The following NEK1 variants were observed in gnomAD, a reference collection of about 807,000 sequenced individuals.
The protein encoded by NEK1 is NIMA related kinase 1.
Under a neutral mutation model 182.1 loss-of-function variants are expected in NEK1, and 137 were observed. The observed-to-expected ratio is 0.75, with a 90% CI of 0.65 to 0.87. The LOEUF is 0.87. Among genes scored for constraint, NEK1 ranks in the 40% least tolerant of loss-of-function variants. The pLI is 0.00. For missense variants in NEK1, 1,391 were observed against 1,494.4 expected (o/e 0.93, Z 1.14); for synonymous variants, 513 against 492.2 (o/e 1.04, Z -0.56).
intron 9 of NEK1, 100 bp downstream of exon 9, chr4:169,587,459 A>T: frequency 1.5e-6 from 1 of 667,492 alleles, no homozygotes; most frequent in Non-Finnish European, 2.4e-6. Flanking sequence ...AATTTCTAGG[A>T]TGAGGGTTAC....
intron 35 of NEK1, among the ~76,000 whole-genome samples, chr4:169,396,511 A>T (rs1730752152): frequency 6.6e-6 from 1 of 151,610 alleles, no homozygotes; most frequent in Non-Finnish European, 1.5e-5. Flanking sequence ...GGAAGAATTT[A>T]TTAGGAATAC....
rs1371101243 is a variant in NEK1, at chr4:169,585,404, G to C, written c.752C>G (p.Ser251Cys). ...GGCTATAAAACCTTTCTCCAATATG[G>C]AGTTGACTGATGGTCTATCCCTAGG... The part of the protein sequence containing the change: ...RNPRDRPSVN[S>C]ILEKGFIAKR... The change falls in exon 10 of 36, where the codon TCC becomes TGC. Residue 251 changes from serine (S) to cysteine (C), a missense_variant. By Grantham distance (112) the Ser-to-Cys change is moderately radical. Coordinates refer to ENST00000507142, the MANE Select transcript of NEK1 (RefSeq NM_001199397.3). The C allele has an allele frequency of 6.2e-7, 1 of 1,613,568 alleles. No homozygotes were observed. Among genetic ancestry groups the C allele is most frequent in the African/African-American group, 1.3e-5 (1 of 74,884 alleles).
At chr4:169,610,771 TCA>T (rs1480085995) in intron 2 of NEK1, among the ~76,000 whole-genome samples, 1 of 152,236 alleles carries the variant, frequency 6.6e-6, no homozygotes, top group East Asian at 1.9e-4. Flanking sequence ...ATCAGGTGTT[TCA>T]GATATTCTAT....
intron 19 of NEK1, among the ~76,000 whole-genome samples, chr4:169,521,097 TC>T (rs764568934): frequency 0.054 from 4,322 of 80,508 alleles, 87 homozygotes; most frequent in Non-Finnish European, 0.082. Flanking sequence ...CGGGCGCCCC[TC>T]CCCCAGCCTC....
chr4:169,455,770 C>T (rs1201570599), intron 27 of NEK1, among the ~76,000 whole-genome samples: 2 of 151,946 alleles, frequency 1.3e-5, no homozygotes, highest in Non-Finnish European at 1.5e-5. Context: ...GTAGCACTGC[C>T]TAGGGGTCAT....
chr4:169,436,141 C>T (rs1044218200), intron 28 of NEK1, among the ~76,000 whole-genome samples: 2 of 152,132 alleles, frequency 1.3e-5, no homozygotes, highest in South Asian at 2.1e-4. Context: ...TGGGCTCAAG[C>T]GATATGCCAG....
chr4:169,402,699 A>T (rs995958462), intron 32 of NEK1, among the ~76,000 whole-genome samples: 1 of 152,220 alleles, frequency 6.6e-6, no homozygotes, highest in Non-Finnish European at 1.5e-5. Context: ...CACTTTAGAG[A>T]CATGAAAACT....
chr4:169,522,496 A>C (rs1756238754), intron 19 of NEK1, among the ~76,000 whole-genome samples: 1 of 152,236 alleles, frequency 6.6e-6, no homozygotes, highest in South Asian at 2.1e-4. Context: ...AGCCTGTCAA[A>C]GTTTAGCAAT....
chr4:169,407,093 T>C (rs1732777600), intron 31 of NEK1, among the ~76,000 whole-genome samples: 2 of 152,168 alleles, frequency 1.3e-5, no homozygotes, highest in Non-Finnish European at 2.9e-5. Flanking sequence ...TATTTAGGTA[T>C]AAACATGGAA....
intron 23 of NEK1, among the ~76,000 whole-genome samples, chr4:169,498,830 C>T (rs1164357210): frequency 6.6e-6 from 1 of 152,122 alleles, no homozygotes; most frequent in African/African-American, 2.4e-5. Flanking sequence ...CTCTGGCTGC[C>T]CTTAACATTT....
intron 12 of NEK1, among the ~76,000 whole-genome samples, chr4:169,575,672 C>A (rs1765573775): frequency 6.6e-6 from 1 of 152,218 alleles, no homozygotes; most frequent in Non-Finnish European, 1.5e-5. Context: ...ATTCTACTGA[C>A]ACTCCAGGCA....
chr4:169,571,062 G>A (rs1036491390), intron 12 of NEK1, among the ~76,000 whole-genome samples: 2 of 151,818 alleles, frequency 1.3e-5, no homozygotes, highest in African/African-American at 4.8e-5. Flanking sequence ...AGGGTCCTCT[G>A]CCTAGGAAAA....
At chr4:169,436,907 A>T (rs1394510766) in intron 28 of NEK1, among the ~76,000 whole-genome samples, 1 of 152,246 alleles carries the variant, frequency 6.6e-6, no homozygotes, top group Non-Finnish European at 1.5e-5. Context: ...TGTCTCAGAA[A>T]CATGAGTGGC....
At chr4:169,522,027 A>G (rs6815251) in intron 19 of NEK1, among the ~76,000 whole-genome samples, 2 of 152,120 alleles carry the variant, frequency 1.3e-5, no homozygotes, top group African/African-American at 4.8e-5. Context: ...AAATTTTTGT[A>G]TTGTCCTATA....
chr4:169,452,243 A>G (rs922896536), intron 27 of NEK1, among the ~76,000 whole-genome samples: 1 of 152,196 alleles, frequency 6.6e-6, no homozygotes, highest in Non-Finnish European at 1.5e-5. Flanking sequence ...AGAGGTACAA[A>G]GAGGAGCTGG....
intron 19 of NEK1, among the ~76,000 whole-genome samples, chr4:169,509,569 A>C (rs1580342652): frequency 6.6e-6 from 1 of 152,006 alleles, no homozygotes. Context: ...AGCTCACTAC[A>C]ATCTAGTTTC....
At position 169,463,268 on chromosome 4, in the gene NEK1, T is replaced by G. The variant is rs773387212; in HGVS notation, c.2562A>C (p.Leu854=). The G allele has an allele frequency of 4.4e-6, 7 of 1,580,358 alleles. No individual in the cohort carries two copies. The Admixed American group carries it at 1.1e-4, about 24-fold the overall frequency. ...GEAELQLQTE[L]LENTTIRSEI... is the part of the protein sequence containing the mutation. ...CACTTCTAATAGTTGTATTTTCTAATAGTTCTGTCTGAAGTTGTAGTTCAG... is the reference window on the plus strand; with the variant it reads ...CACTTCTAATAGTTGTATTTTCTAAGAGTTCTGTCTGAAGTTGTAGTTCAG... The change falls in exon 27 of 36, where the codon CTA becomes CTC. Residue 854 remains leucine (L), a synonymous_variant. Coordinates refer to ENST00000507142, the MANE Select transcript of NEK1 (RefSeq NM_001199397.3).
intron 19 of NEK1, among the ~76,000 whole-genome samples, chr4:169,512,876 A>G (rs1338728601): frequency 2.6e-5 from 4 of 152,106 alleles, no homozygotes; most frequent in Non-Finnish European, 5.9e-5. Context: ...AATTGCTTTT[A>G]TGTGTTTGTC....
chr4:169,590,126 G>A (rs1001664537), intron 6 of NEK1, among the ~76,000 whole-genome samples: 1 of 152,064 alleles, frequency 6.6e-6, no homozygotes, highest in African/African-American at 2.4e-5. Context: ...TGGCCAACAT[G>A]GTGAAACCCC....
Sources: gnomAD v4.1 joint callset for allele counts (sites outside exome capture counted in the v4.1 genomes callset) on GRCh38, gnomAD v4.1.1 for gene constraint, MANE v1.5 for transcripts, NCBI Gene and HGNC (gene_info 2026-07-23, HGNC 2026-07-21) for gene names.